Variants in CAB39L observed in about 807,000 individuals in gnomAD.
CAB39L encodes calcium-binding protein 39-like.
In CAB39L, 23 loss-of-function variants were observed where a neutral mutation model predicts 39.1. The observed-to-expected ratio is 0.59, with a 90% CI of 0.42 to 0.83. The LOEUF is 0.83. Ranked by LOEUF, CAB39L falls within the 40% of genes least tolerant of loss-of-function variation. The pLI is 0.00. For missense variants in CAB39L, 366 were observed against 391.9 expected (o/e 0.93, Z 0.56); for synonymous variants, 126 against 137.2 (o/e 0.92, Z 0.57).
intron 10 of CAB39L, among the ~76,000 whole-genome samples, chr13:49,315,895 AAAAAGAAAAG>A (rs1386538478): frequency 2.6e-5 from 4 of 151,386 alleles, no homozygotes; most frequent in Non-Finnish European, 5.9e-5. Context: ...AAAAAAAAAA[AAAAAGAAAAG>A]AAAAGAAAAG....
At chr13:49,337,752 A>G (rs918384624) in intron 9 of CAB39L, among the ~76,000 whole-genome samples, 2 of 151,528 alleles carry the variant, frequency 1.3e-5, no homozygotes, top group Non-Finnish European at 2.9e-5. Flanking sequence ...ACACACACAC[A>G]CACACACACA....
chr13:49,360,291 T>A (rs1222570321), intron 5 of CAB39L, among the ~76,000 whole-genome samples: 1 of 152,248 alleles, frequency 6.6e-6, no homozygotes, highest in African/African-American at 2.4e-5. Context: ...TTCTAGTATT[T>A]TTTGCTTTCA....
rs1953958521 is a variant in CAB39L, at chr13:49,310,768, A to T, written c.*46T>A. ...CTTTCTGAAATGACACACTGTACAA[A>T]CTGGACAAATGAGACGACTGACTGT... On this transcript the variant is annotated 3_prime_UTR_variant, in exon 11 of 11. Transcript: ENST00000409308. The T allele has an allele frequency of 1.9e-6, 3 of 1,591,906 alleles. No homozygotes were observed.
intron 3 of CAB39L, among the ~76,000 whole-genome samples, chr13:49,388,279 C>T (rs924399794): frequency 2.0e-5 from 3 of 152,208 alleles, no homozygotes; most frequent in East Asian, 1.9e-4. Context: ...GATATAACAG[C>T]GTAAACAGAA....
intron 8 of CAB39L, among the ~76,000 whole-genome samples, chr13:49,340,574 C>A (rs1954980642): frequency 6.6e-6 from 1 of 152,204 alleles, no homozygotes; most frequent in Non-Finnish European, 1.5e-5. Flanking sequence ...AAAGGTGTAG[C>A]TCACATTAAA....
chr13:49,344,876 G>A (rs567112716), intron 7 of CAB39L, among the ~76,000 whole-genome samples: 1 of 152,230 alleles, frequency 6.6e-6, no homozygotes, highest in African/African-American at 2.4e-5. Flanking sequence ...TCCTGCTCTT[G>A]GGTTAATGGG....
chr13:49,395,056 T>C (rs577890451), intron 3 of CAB39L, among the ~76,000 whole-genome samples: 4 of 152,332 alleles, frequency 2.6e-5, no homozygotes, highest in East Asian at 3.9e-4. Flanking sequence ...AGTTTGCTTG[T>C]GGATGCTTAA....
intron 7 of CAB39L, among the ~76,000 whole-genome samples, chr13:49,346,106 T>TATATATATATATATGCTAG (rs1955159615): frequency 8.6e-5 from 4 of 46,288 alleles, no homozygotes; most frequent in African/African-American, 2.6e-4. Context: ...GCTAGATATA[T>TATATATATATATATGCTAG]ATATATATAT....
At chr13:49,366,843 T>G (rs1246020528) in intron 5 of CAB39L, among the ~76,000 whole-genome samples, 1 of 151,818 alleles carries the variant, frequency 6.6e-6, no homozygotes, top group Non-Finnish European at 1.5e-5. Context: ...TGGTGAAACC[T>G]TGTCTCTACT....
At chr13:49,362,848 A>G (rs571094019) in intron 5 of CAB39L, among the ~76,000 whole-genome samples, 4 of 152,198 alleles carry the variant, frequency 2.6e-5, no homozygotes, top group Non-Finnish European at 4.4e-5. Context: ...TAAAAGCAGC[A>G]GGTGAAAAGA....
At chr13:49,360,935 A>G (rs2138506809) in intron 5 of CAB39L, among the ~76,000 whole-genome samples, 1 of 152,212 alleles carries the variant, frequency 6.6e-6, no homozygotes, top group East Asian at 1.9e-4. Flanking sequence ...TCCTTTTTAA[A>G]TTACTCAGTC....
chr13:49,385,457 TG>T (rs1210111500), intron 3 of CAB39L, among the ~76,000 whole-genome samples: 1 of 152,254 alleles, frequency 6.6e-6, no homozygotes, highest in African/African-American at 2.4e-5. Flanking sequence ...GTGTTTTCAC[TG>T]GAGTAGCACT....
At chr13:49,333,526 G>A (rs1237676387) in intron 9 of CAB39L, among the ~76,000 whole-genome samples, 2 of 149,708 alleles carry the variant, frequency 1.3e-5, no homozygotes, top group Non-Finnish European at 3.0e-5. Flanking sequence ...TCTAGTCTCC[G>A]CTTCTTTCCT....
rs577180977 is a variant in CAB39L at position 49,331,724 on chromosome 13, G to A, written c.834+223C>T. 5.3e-5 allele frequency among the ~76,000 whole-genome samples: 8 copies of A among 152,088 alleles called. No homozygotes were observed. In the East Asian group the frequency reaches 7.7e-4, roughly 15 times the overall value. On this transcript the variant is annotated intron_variant, in intron 10 of 10. Coordinates refer to ENST00000409308, the MANE Select transcript of CAB39L (RefSeq NM_001079670.3). ...GGAAAGAGTATCATGCATTTTCTCC[G>A]TGAAAAAATAAAAATATTTAGATGT...
At chr13:49,338,035 C>CATTT (rs1954897336) in intron 9 of CAB39L, among the ~76,000 whole-genome samples, 13 of 152,252 alleles carry the variant, frequency 8.5e-5, no homozygotes, top group Admixed American at 5.9e-4. Context: ...ATGCTATTTA[C>CATTT]GGGTAATTGA....
intron 3 of CAB39L, among the ~76,000 whole-genome samples, chr13:49,408,982 C>T (rs1052881198): frequency 1.3e-5 from 2 of 152,218 alleles, no homozygotes; most frequent in African/African-American, 4.8e-5. Context: ...AGTCTAATTT[C>T]TAAGTCCCAC....
At chr13:49,323,493 G>A (rs1019879503) in intron 10 of CAB39L, among the ~76,000 whole-genome samples, 1 of 152,156 alleles carries the variant, frequency 6.6e-6, no homozygotes, top group Non-Finnish European at 1.5e-5. Flanking sequence ...CCATCGGAAG[G>A]TCTGGCGAAT....
At chr13:49,430,107 C>T (rs761893959) in intron 3 of CAB39L, among the ~76,000 whole-genome samples, 3 of 152,128 alleles carry the variant, frequency 2.0e-5, no homozygotes, top group Admixed American at 2.0e-4. Context: ...GATAAACATG[C>T]TACCAGCTAT....
chr13:49,440,715 AGT>A (rs56314282), intron 1 of CAB39L, among the ~76,000 whole-genome samples: 22,275 of 135,090 alleles, frequency 0.16, 1,700 homozygotes, highest in South Asian at 0.32. Context: ...ATTCCTAGGC[AGT>A]GTGTGTGTGT....
Sources: allele counts gnomAD v4.1 joint callset (sites outside exome capture counted in the v4.1 genomes callset), GRCh38; gene constraint gnomAD v4.1.1; transcripts MANE v1.5; gene names NCBI Gene and HGNC (gene_info 2026-07-23, HGNC 2026-07-21).